RNASE11: variants seen among roughly 807,000 people sequenced by gnomAD.
RNASE11 encodes the protein ribonuclease A family member 11 (inactive), also known as putative inactive ribonuclease 11.
For synonymous variants in RNASE11, 105 were observed against 86.1 expected (o/e 1.22, Z -1.21); for missense variants, 252 against 237.8 (o/e 1.06, Z -0.39).
chr14:20,583,782 G>T, exon 2 of RNASE11: 1 of 1,343,190 alleles, frequency 7.4e-7, no homozygotes, highest in Non-Finnish European at 1.0e-6. Context: ...TCACTATAGT[G>T]CTAAAGAGTA....
chr14:20,587,197 A>G (rs1884453071), intron 1 of RNASE11, among the ~76,000 whole-genome samples: 2 of 152,180 alleles, frequency 1.3e-5, no homozygotes, highest in African/African-American at 4.8e-5. Context: ...TTAGATACAG[A>G]TAGATAGATA....
At chr14:20,585,205 G>T in intron 1 of RNASE11, 1 of 370,472 alleles carries the variant, frequency 2.7e-6, no homozygotes, top group Non-Finnish European at 3.7e-6. Flanking sequence ...TGGAACCAAG[G>T]AAGCTCAGGG....
At chr14:20,589,154 G>A, upstream of RNASE11, among the ~76,000 whole-genome samples, 1 of 131,960 alleles carries the variant, frequency 7.6e-6, no homozygotes, top group African/African-American at 3.0e-5. Context: ...CCAGGATCTG[G>A]CCCTGCACTA....
chr14:20,583,755 A>G, exon 2 of RNASE11: 1 of 1,128,350 alleles, frequency 8.9e-7, no homozygotes, highest in Non-Finnish European at 1.2e-6. Flanking sequence ...CTCCAGTTAG[A>G]ATAAATAATC....
At position 20,584,413 on chromosome 14, in the gene RNASE11, C is replaced by T. The variant is rs60929188; in HGVS notation, c.62G>A (p.Ser21Asn). The change falls in exon 2 of 2, where the codon AGC (serine) becomes AAC (asparagine). Residue 21 changes from serine to asparagine, a missense_variant. Transcript: ENST00000553849. Reference sequence around the variant, plus strand: ...TTCTTCTTTAATTATCTTCATTGTGCTTTCTGATGCTTCTGCAAGAACCAG... The same window carrying T: ...TTCTTCTTTAATTATCTTCATTGTGTTTTCTGATGCTTCTGCAAGAACCAG... The T allele has an allele frequency of 2.5e-3, 4,044 of 1,613,246 alleles. 104 individuals carry two copies. In the African/African-American group the frequency reaches 0.049, roughly 19 times the overall value.
exon 1 of RNASE11, chr14:20,587,583 T>G: frequency 1.0e-6 from 1 of 985,374 alleles, no homozygotes; most frequent in South Asian, 4.7e-5. Context: ...TCAGTTTCTA[T>G]TCAGATGCTG....
At chr14:20,586,283 T>C (rs955612026) in intron 1 of RNASE11, among the ~76,000 whole-genome samples, 5 of 152,230 alleles carry the variant, frequency 3.3e-5, no homozygotes, top group African/African-American at 1.2e-4. Flanking sequence ...GGCTATTCTT[T>C]CCTGCCTCTT....
chr14:20,590,202 G>C (rs770400625), upstream of RNASE11: 7 of 1,546,484 alleles, frequency 4.5e-6, no homozygotes, highest in South Asian at 1.2e-5. Context: ...CCATGTCCAC[G>C]GTCCAGGTCT....
In RNASE11 at chr14:20,587,636, A is replaced by G. The variant is rs1329569402; in HGVS notation, c.-96T>C. ...GTGACACCCAAAATTCTATGGAGAC[A>G]ACAATGACAACAGAATTACCACAGA... On this transcript the variant is annotated 5_prime_UTR_variant, in exon 1 of 2. Coordinates refer to ENST00000553849, the Ensembl canonical transcript of RNASE11. 2.0e-6 allele frequency: 2 copies of G among 985,298 alleles called. No individual in the cohort carries two copies. The highest frequency in any genetic ancestry group is 2.4e-6 in the Non-Finnish European group (2 of 829,932). The allele number at this position is 985,298 out of a possible 1,614,324, so 61.0% of individuals were successfully genotyped here.
At chr14:20,586,434 T>C (rs1432612651) in intron 1 of RNASE11, among the ~76,000 whole-genome samples, 2 of 152,094 alleles carry the variant, frequency 1.3e-5, no homozygotes. Flanking sequence ...TTATTATGTA[T>C]GAACTTTTAA....
chr14:20,584,683 T>G (rs929473425), intron 1 of RNASE11, among the ~76,000 whole-genome samples, 187 bp from the exon 3 acceptor site: 1 of 152,228 alleles, frequency 6.6e-6, no homozygotes, highest in Non-Finnish European at 1.5e-5. Flanking sequence ...TTCAAATTCC[T>G]GCTTTTCTGC....
chr14:20,583,919 C>G (rs1884366499), exon 2 of RNASE11: 1 of 1,613,684 alleles, frequency 6.2e-7, no homozygotes, highest in South Asian at 1.1e-5. Flanking sequence ...AGAGAATGAC[C>G]TGTCAGCACT....
intron 1 of RNASE11, among the ~76,000 whole-genome samples, chr14:20,585,285 C>G (rs1884412039): frequency 6.6e-6 from 1 of 152,150 alleles, no homozygotes; most frequent in Non-Finnish European, 1.5e-5. Flanking sequence ...GCTTCTTATT[C>G]TGTGAAATAT....
chr14:20,589,477 T>C (rs1884515426), upstream of RNASE11, among the ~76,000 whole-genome samples: 2 of 151,608 alleles, frequency 1.3e-5, no homozygotes, highest in African/African-American at 2.4e-5. Flanking sequence ...ATGGTCTCGA[T>C]CTCCTGGCCT....
chr14:20,587,265 G>A (rs1884454553), intron 1 of RNASE11, among the ~76,000 whole-genome samples: 1 of 152,134 alleles, frequency 6.6e-6, no homozygotes, highest in African/African-American at 2.4e-5. Context: ...ATTTGAATTT[G>A]GTGTTGATCC....
chr14:20,584,570 A>G, intron 1 of RNASE11, 74 bp from the exon 3 acceptor site: 1 of 1,291,484 alleles, frequency 7.7e-7, no homozygotes, highest in Non-Finnish European at 1.0e-6. Flanking sequence ...CCTGACAGTT[A>G]TTCCTGGTAG....
chr14:20,588,807 GAC>G (rs1884491514), upstream of RNASE11, among the ~76,000 whole-genome samples: 1 of 152,098 alleles, frequency 6.6e-6, no homozygotes, highest in South Asian at 2.1e-4. Flanking sequence ...TTATTTTTGA[GAC>G]AGAGTCTTGC....
At chr14:20,585,046 A>G in intron 1 of RNASE11, 1 of 984,624 alleles carries the variant, frequency 1.0e-6, no homozygotes, top group Non-Finnish European at 1.2e-6. Context: ...CGGCAAGTTG[A>G]TCCTGTAGAG....
At chr14:20,584,386 A>T in exon 2 of RNASE11, 2 of 1,614,094 alleles carry the variant, frequency 1.2e-6, no homozygotes, top group Non-Finnish European at 1.7e-6. Flanking sequence ...TTCGTCTGTA[A>T]ATTCTTCTTT....
Sources: allele counts gnomAD v4.1 joint callset (sites outside exome capture counted in the v4.1 genomes callset), GRCh38; gene constraint gnomAD v4.1.1; transcripts MANE v1.5; gene names NCBI Gene and HGNC (gene_info 2026-07-23, HGNC 2026-07-21).